Variants in FAT3 observed in about 807,000 individuals in gnomAD.
FAT3 encodes the protein protocadherin Fat 3.
A neutral mutation model predicts 310.2 loss-of-function variants in FAT3; 95 were observed. The observed-to-expected ratio is 0.31, with a 90% confidence interval of 0.26 to 0.36. The LOEUF (loss-of-function observed/expected upper bound fraction) is 0.36. FAT3 is among the 10% of genes least tolerant of loss of function. The pLI, the probability that FAT3 is intolerant of heterozygous loss-of-function variation, is 1.00. For missense variants in FAT3, 5,408 were observed against 5,715.6 expected (o/e 0.95, Z 1.74); for synonymous variants, 2,314 against 2,192.9 (o/e 1.06, Z -1.54).
intron 1 of FAT3, among the ~76,000 whole-genome samples, chr11:92,266,696 G>C (rs1203420210): frequency 6.6e-6 from 1 of 152,124 alleles, no homozygotes; most frequent in African/African-American, 2.4e-5. Flanking sequence ...GCTCAGGGAT[G>C]GCAGAAATTG....
At chr11:92,360,594 G>T (rs1948853845) in intron 2 of FAT3, among the ~76,000 whole-genome samples, 1 of 152,130 alleles carries the variant, frequency 6.6e-6, no homozygotes. Flanking sequence ...ATTTTGGAAG[G>T]TACAAACTTG....
At chr11:92,532,289 C>G (rs1253977112) in intron 3 of FAT3, among the ~76,000 whole-genome samples, 1 of 152,198 alleles carries the variant, frequency 6.6e-6, no homozygotes, top group Admixed American at 6.5e-5. Flanking sequence ...TTTGTCCAGT[C>G]ATACTTCTAC....
intron 19 of FAT3, among the ~76,000 whole-genome samples, chr11:92,851,525 T>C (rs2136308419): frequency 6.6e-6 from 1 of 152,302 alleles, no homozygotes; most frequent in South Asian, 2.1e-4. Flanking sequence ...AATGCAGTAT[T>C]GTTTACTTAT....
rs561799524 is a variant in FAT3, at chr11:92,230,050, T to G, written c.-18+4876T>G. On this transcript the variant is annotated intron_variant, in intron 1 of 27. Transcript: ENST00000525166. Reference sequence around the variant, plus strand: ...GTGTTGCCTACCGTGGGCGGAAAAGTCATACAGAGGACCCTGAGAGGAGTC... The same window carrying G: ...GTGTTGCCTACCGTGGGCGGAAAAGGCATACAGAGGACCCTGAGAGGAGTC... Among the ~76,000 whole-genome samples the G allele has an allele frequency of 4.7e-4, 71 of 152,234 alleles. 1 individual carries two copies. The South Asian group carries it at 0.015, about 31-fold the overall frequency.
At chr11:92,319,896 G>T (rs1947562832) in intron 1 of FAT3, among the ~76,000 whole-genome samples, 1 of 152,164 alleles carries the variant, frequency 6.6e-6, no homozygotes, top group South Asian at 2.1e-4. Flanking sequence ...GAGGAGTAGG[G>T]ATGAGGAAGA....
At chr11:92,636,099 G>A (rs968294520) in intron 3 of FAT3, among the ~76,000 whole-genome samples, 2 of 152,106 alleles carry the variant, frequency 1.3e-5, no homozygotes, top group Non-Finnish European at 1.5e-5. Flanking sequence ...GAGTAACTGG[G>A]ACTACAGGTG....
intron 3 of FAT3, among the ~76,000 whole-genome samples, chr11:92,689,588 G>A (rs1341085811): frequency 3.3e-5 from 5 of 152,180 alleles, no homozygotes; most frequent in Admixed American, 6.5e-5. Flanking sequence ...AGGCAGAACC[G>A]GAGGGCTCTG....
chr11:92,282,765 T>G (rs928949065), intron 1 of FAT3, among the ~76,000 whole-genome samples: 1 of 152,172 alleles, frequency 6.6e-6, no homozygotes, highest in African/African-American at 2.4e-5. Context: ...CATCTTGTTT[T>G]GATTTTAGTA....
chr11:92,315,005 C>G (rs1591094141), intron 1 of FAT3, among the ~76,000 whole-genome samples: 2 of 151,962 alleles, frequency 1.3e-5, no homozygotes, highest in Non-Finnish European at 2.9e-5. Flanking sequence ...CTTTTTTACT[C>G]CTAAATATAC....
chr11:92,719,548 G>C (rs1048145014), intron 4 of FAT3, among the ~76,000 whole-genome samples: 4 of 148,110 alleles, frequency 2.7e-5, no homozygotes, highest in Non-Finnish European at 4.5e-5. Context: ...ACCTAATACA[G>C]TGTAAATACC....
Position 92,592,281 on chromosome 11 carries a change from A to G in FAT3, c.3607+67333A>G, listed in dbSNP as rs7130687. Among the ~76,000 whole-genome samples the G allele has an allele frequency of 8.9e-3, 1,316 of 147,624 alleles. 27 individuals are homozygous for G. Among genetic ancestry groups the G allele is most frequent in the African/African-American group, 0.031 (1,251 of 40,318 alleles). ...ATCACTAACTCTTTTGTAAACAAAG[A>G]TGTTGCCCAACAATGTATAGGAAAT... On this transcript the variant is annotated intron_variant, in intron 3 of 27. Coordinates refer to ENST00000525166, the MANE Select transcript of FAT3 (RefSeq NM_001367949.2).
chr11:92,645,320 T>G (rs536825590), intron 3 of FAT3, among the ~76,000 whole-genome samples: 1 of 152,320 alleles, frequency 6.6e-6, no homozygotes, highest in Non-Finnish European at 1.5e-5. Context: ...ACAACACTAA[T>G]ACTGTCTGTA....
intron 3 of FAT3, among the ~76,000 whole-genome samples, chr11:92,588,087 G>T (rs1939241208): frequency 1.3e-5 from 2 of 151,914 alleles, no homozygotes; most frequent in South Asian, 4.2e-4. Context: ...ATCCTCAAGA[G>T]GTTGACTGTA....
At chr11:92,335,063 C>T (rs554115975) in intron 1 of FAT3, among the ~76,000 whole-genome samples, 19 of 152,162 alleles carry the variant, frequency 1.2e-4, no homozygotes, top group Middle Eastern at 3.4e-3. Flanking sequence ...TTGATGATGC[C>T]GCAGCAGGAA....
intron 3 of FAT3, among the ~76,000 whole-genome samples, chr11:92,624,482 G>C (rs750615186): frequency 6.6e-6 from 1 of 152,202 alleles, no homozygotes; most frequent in Non-Finnish European, 1.5e-5. Context: ...CTGAATGTTT[G>C]AAAATGGACT....
At chr11:92,600,062 T>G (rs1181049416) in intron 3 of FAT3, among the ~76,000 whole-genome samples, 1 of 152,200 alleles carries the variant, frequency 6.6e-6, no homozygotes, top group Non-Finnish European at 1.5e-5. Flanking sequence ...CATGCTCTCT[T>G]TGCATCCCCT....
intron 4 of FAT3, among the ~76,000 whole-genome samples, chr11:92,714,860 G>A (rs1045334966): frequency 1.3e-5 from 2 of 152,124 alleles, no homozygotes; most frequent in Admixed American, 1.3e-4. Flanking sequence ...GAATGAATGA[G>A]TGAATGATCC....
intron 2 of FAT3, among the ~76,000 whole-genome samples, chr11:92,378,783 G>A (rs756882353): frequency 2.6e-5 from 4 of 152,162 alleles, no homozygotes; most frequent in Non-Finnish European, 5.9e-5. Context: ...CTAAGTGCAA[G>A]GAGCCGACAG....
rs548484190 is a variant in FAT3 at position 92,272,598 on chromosome 11, A to C, written c.-18+47424A>C. ...TGTGATGGATATTTAAAGGGGGGAA[A>C]TCACAAGTAGGTTGAAGGGAGGATG... On this transcript the variant is annotated intron_variant, in intron 1 of 27. Coordinates refer to ENST00000525166, the MANE Select transcript of FAT3 (RefSeq NM_001367949.2). 3.3e-5 allele frequency among the ~76,000 whole-genome samples: 5 copies of C among 152,206 alleles called. No individual in the cohort carries two copies. The East Asian group carries it at 9.7e-4, about 30-fold the overall frequency.
Sources: gnomAD v4.1 joint callset for allele counts (sites outside exome capture counted in the v4.1 genomes callset) on GRCh38, gnomAD v4.1.1 for gene constraint, MANE v1.5 for transcripts, NCBI Gene and HGNC (gene_info 2026-07-23, HGNC 2026-07-21) for gene names.